The following PELI2 variants were observed in gnomAD, a reference collection of about 807,000 sequenced individuals.
PELI2 encodes pellino E3 ubiquitin protein ligase family member 2.
Under a neutral mutation model 42.3 loss-of-function variants are expected in PELI2, and 23 were observed. That is an observed-to-expected ratio of 0.54 (90% CI 0.39 to 0.77). The LOEUF (loss-of-function observed/expected upper bound fraction) is 0.77, where lower values mean the gene tolerates loss of function less well. Among genes scored for constraint, PELI2 ranks in the 30% least tolerant of loss-of-function variants. PELI2 has a pLI of 0.00. For missense variants in PELI2, 463 were observed against 553.2 expected (o/e 0.84, Z 1.64); for synonymous variants, 245 against 212.2 (o/e 1.15, Z -1.34).
At chr14:56,255,992 A>G (rs940396183) in intron 2 of PELI2, among the ~76,000 whole-genome samples, 1 of 152,102 alleles carries the variant, frequency 6.6e-6, no homozygotes, top group Non-Finnish European at 1.5e-5. Context: ...TTAGAAAATG[A>G]TTTGGGGCTG....
intron 2 of PELI2, among the ~76,000 whole-genome samples, chr14:56,265,321 C>T (rs1888860121): frequency 6.6e-6 from 1 of 152,112 alleles, no homozygotes; most frequent in East Asian, 1.9e-4. Flanking sequence ...CAGAAATAGA[C>T]CCATATATAT....
intron 1 of PELI2, among the ~76,000 whole-genome samples, chr14:56,133,339 C>T (rs147580845): frequency 6.6e-6 from 1 of 152,186 alleles, no homozygotes; most frequent in East Asian, 1.9e-4. Flanking sequence ...GTTGAGGGGG[C>T]AGCATCAGGA....
At chr14:56,215,231 C>G (rs1886862412) in intron 2 of PELI2, among the ~76,000 whole-genome samples, 1 of 152,198 alleles carries the variant, frequency 6.6e-6, no homozygotes, top group Non-Finnish European at 1.5e-5. Context: ...TGTATTTGCT[C>G]TCTAGGAAAT....
intron 1 of PELI2, among the ~76,000 whole-genome samples, chr14:56,150,444 A>C (rs576238329): frequency 1.3e-5 from 2 of 152,020 alleles, no homozygotes; most frequent in South Asian, 2.1e-4. Flanking sequence ...TTTTAAGTAT[A>C]CTCAGTAGTC....
intron 1 of PELI2, among the ~76,000 whole-genome samples, chr14:56,129,186 G>A (rs1310442956): frequency 6.6e-6 from 1 of 152,242 alleles, no homozygotes. Context: ...GTAGCAGGCA[G>A]TGTCAGCCTT....
chr14:56,150,824 A>G (rs1884322727), intron 1 of PELI2, among the ~76,000 whole-genome samples: 1 of 152,196 alleles, frequency 6.6e-6, no homozygotes, highest in Non-Finnish European at 1.5e-5. Context: ...TCCACTTGGG[A>G]CAGCTGGTCG....
chr14:56,270,111 G>A (rs1189732649), intron 2 of PELI2, among the ~76,000 whole-genome samples: 1 of 152,182 alleles, frequency 6.6e-6, no homozygotes, highest in Non-Finnish European at 1.5e-5. Context: ...TCTGTACCAG[G>A]GTTTATCGAA....
intron 2 of PELI2, among the ~76,000 whole-genome samples, chr14:56,216,756 AG>A (rs1465168853): frequency 6.6e-6 from 1 of 152,226 alleles, no homozygotes; most frequent in Non-Finnish European, 1.5e-5. Context: ...TCATGTCATC[AG>A]GGCTCAGTGT....
intron 2 of PELI2, among the ~76,000 whole-genome samples, chr14:56,262,177 C>T (rs887361452): frequency 6.6e-6 from 1 of 152,214 alleles, no homozygotes; most frequent in African/African-American, 2.4e-5. Flanking sequence ...TCTGTCCTTT[C>T]ATTTATTTGT....
At chr14:56,156,635 A>G (rs148453412) in intron 1 of PELI2, among the ~76,000 whole-genome samples, 172 of 152,310 alleles carry the variant, frequency 1.1e-3, no homozygotes, top group African/African-American at 4.0e-3. Flanking sequence ...GAAGTATTAC[A>G]TGTCTTACCT....
At chr14:56,145,984 A>C (rs1234812620) in intron 1 of PELI2, among the ~76,000 whole-genome samples, 1 of 152,230 alleles carries the variant, frequency 6.6e-6, no homozygotes, top group Non-Finnish European at 1.5e-5. Flanking sequence ...ATGAAATATA[A>C]AACTATAAAG....
intron 1 of PELI2, among the ~76,000 whole-genome samples, chr14:56,122,018 G>C (rs1883078858): frequency 6.6e-6 from 1 of 152,178 alleles, no homozygotes; most frequent in Non-Finnish European, 1.5e-5. Context: ...CATTTAAATT[G>C]TGTAAAACTT....
At chr14:56,159,666 A>C (rs1349817741) in intron 1 of PELI2, among the ~76,000 whole-genome samples, 2 of 152,106 alleles carry the variant, frequency 1.3e-5, no homozygotes, top group Non-Finnish European at 2.9e-5. Context: ...CCATAGGGTA[A>C]AAAAAATTAT....
At chr14:56,171,930 C>T (rs1885184829) in intron 1 of PELI2, among the ~76,000 whole-genome samples, 1 of 152,066 alleles carries the variant, frequency 6.6e-6, no homozygotes, top group African/African-American at 2.4e-5. Flanking sequence ...GCATGAGGAT[C>T]ACTTGAACTC....
intron 2 of PELI2, among the ~76,000 whole-genome samples, chr14:56,255,808 A>G (rs1430288939): frequency 1.3e-5 from 2 of 152,064 alleles, no homozygotes; most frequent in Non-Finnish European, 2.9e-5. Flanking sequence ...ATGCAAATGA[A>G]TTATCCTTGG....
At chr14:56,202,910 G>A (rs1003340867) in intron 2 of PELI2, among the ~76,000 whole-genome samples, 1 of 151,984 alleles carries the variant, frequency 6.6e-6, no homozygotes, top group Non-Finnish European at 1.5e-5. Flanking sequence ...AAAATAAAAG[G>A]CAGGGAAGTT....
chr14:56,207,400 A>G (rs1886557785), intron 2 of PELI2, among the ~76,000 whole-genome samples: 1 of 152,188 alleles, frequency 6.6e-6, no homozygotes, highest in South Asian at 2.1e-4. Context: ...ATACTATGGT[A>G]GCTACTGAGG....
intron 1 of PELI2, among the ~76,000 whole-genome samples, chr14:56,141,600 C>G (rs1285793905): frequency 6.6e-6 from 1 of 152,112 alleles, no homozygotes. Context: ...CTGGGGAGGC[C>G]TCAGGATACT....
intron 2 of PELI2, among the ~76,000 whole-genome samples, chr14:56,194,636 A>G: frequency 6.6e-6 from 1 of 152,216 alleles, no homozygotes; most frequent in East Asian, 1.9e-4. Flanking sequence ...TCTCCATCAC[A>G]TGAAGCATGT....
Sources: allele counts gnomAD v4.1 joint callset (sites outside exome capture counted in the v4.1 genomes callset), GRCh38; gene constraint gnomAD v4.1.1; transcripts MANE v1.5; gene names NCBI Gene and HGNC (gene_info 2026-07-23, HGNC 2026-07-21).